Variants in NDUFA9 observed in about 807,000 individuals in gnomAD.
NDUFA9 encodes NADH:ubiquinone oxidoreductase subunit A9.
In NDUFA9, 23 loss-of-function variants were observed where a neutral mutation model predicts 45.9. That is an observed-to-expected ratio of 0.50 (90% CI 0.36 to 0.71). The LOEUF (loss-of-function observed/expected upper bound fraction) is 0.71, where lower values mean the gene tolerates loss of function less well. Among genes scored for constraint, NDUFA9 ranks in the 30% least tolerant of loss-of-function variants. NDUFA9 has a pLI of 0.00. For missense variants in NDUFA9, 466 were observed against 488.2 expected, an observed-to-expected ratio of 0.95 and a Z score of 0.43; for synonymous variants, 176 against 170.5, an observed-to-expected ratio of 1.03 and a Z score of -0.25.
chr12:4,673,521 T>C (rs10774259), intron 8 of NDUFA9, among the ~76,000 whole-genome samples: 57,714 of 152,054 alleles, frequency 0.38, 11,231 homozygotes, highest in Admixed American at 0.42. Context: ...ACGAGAACTT[T>C]GTGAAGCATA....
At chr12:4,679,235 C>G (rs967323575) in intron 8 of NDUFA9, among the ~76,000 whole-genome samples, 3 of 152,086 alleles carry the variant, frequency 2.0e-5, no homozygotes, top group East Asian at 3.9e-4. Flanking sequence ...TAGTGATTGC[C>G]TGAGCCTGGG....
rs12318966 is a variant in NDUFA9 at position 4,659,345 on chromosome 12, A to G, written c.552+168A>G. Reference sequence around the variant, plus strand: ...GTGTGTGTGATGTTTTGACGTTTTGATTGATTGCCTTCTGTTTGCAGGGAA... The same window carrying G: ...GTGTGTGTGATGTTTTGACGTTTTGGTTGATTGCCTTCTGTTTGCAGGGAA... On this transcript the variant is annotated intron_variant, in intron 5 of 10. Transcript: ENST00000266544. Among the ~76,000 whole-genome samples the G allele has an allele frequency of 0.25, 37,604 of 152,006 alleles. 4,837 individuals carry two copies. The highest frequency in any genetic ancestry group is 0.39 in the Middle Eastern group (114 of 294).
Position 4,649,161 on chromosome 12 carries a change from T to C in NDUFA9, c.35T>C (p.Val12Ala). ...GCCGCACAATCCCGGGTTGTCCGGG[T>C]CCTGTCAATGTCACGTAAGTGTTAC... ...AAAAQSRVVRVLSMSRSAITA... is the reference protein window; with the variant it reads ...AAAAQSRVVRALSMSRSAITA... The change falls in exon 1 of 11, where the codon GTC becomes GCC. Residue 12 changes from valine to alanine, a missense_variant. Physicochemically the swap from Val to Ala is moderately conservative, Grantham distance 64. Coordinates refer to ENST00000266544, the MANE Select transcript of NDUFA9 (RefSeq NM_005002.5). The C allele has an allele frequency of 6.2e-7, 1 of 1,605,070 alleles. No homozygotes were observed. The highest frequency in any genetic ancestry group is 8.5e-7 in the Non-Finnish European group (1 of 1,176,042).
rs749842374 is a variant in NDUFA9, at chr12:4,657,741, A to G, written c.319-7A>G. The G allele has an allele frequency of 4.4e-6, 7 of 1,605,104 alleles. No homozygotes were observed. The highest frequency in any genetic ancestry group is 1.7e-5 in the Admixed American group (1 of 59,974). On this transcript the variant is annotated splice_polypyrimidine_tract_variant and splice_region_variant and intron_variant, in intron 3 of 10. Coordinates refer to ENST00000266544, the MANE Select transcript of NDUFA9 (RefSeq NM_005002.5). The stretch of plus-strand genomic sequence containing the variant: ...TGTTTTCATCCGATTGCTTTCTGCT[A>G]TTATAGGAATGGGACGCGAGAGATA...
intron 8 of NDUFA9, among the ~76,000 whole-genome samples, chr12:4,679,578 G>A (rs144821296): frequency 6.6e-6 from 1 of 152,290 alleles, no homozygotes; most frequent in African/African-American, 2.4e-5. Context: ...ATTGGATGCT[G>A]CCAGGAGGTT....
rs770855525 is a variant in NDUFA9 at position 4,685,267 on chromosome 12, C to G, written c.905C>G (p.Ala302Gly). 1 of 1,613,510 alleles carries G rather than the reference C, an allele frequency of 6.2e-7. No individual in the cohort carries two copies. Among genetic ancestry groups the G allele is most frequent in the Non-Finnish European group, 8.5e-7 (1 of 1,179,436 alleles). ...PLPLFAYRWV[A>G]RVFEISPFEP... ...TGTATTTCTCTTTCCAGATGGGTAG[C>G]AAGAGTCTTTGAAATAAGCCCATTT... is the stretch of plus-strand genomic sequence containing the variant. Residue 302 changes from alanine to glycine, a missense_variant, in exon 10 of 11, where the codon GCA becomes GGA. Coordinates refer to ENST00000266544, the MANE Select transcript of NDUFA9 (RefSeq NM_005002.5).
At chr12:4,662,663 A>G in intron 6 of NDUFA9, 28 bp downstream of exon 6, 2 of 1,543,840 alleles carry the variant, frequency 1.3e-6, no homozygotes, top group Non-Finnish European at 1.8e-6. Context: ...ATGGTAGAAG[A>G]GAGGGATACT....
chr12:4,659,210 C>CA (rs1172835020), intron 5 of NDUFA9, 33 bp downstream of exon 5: 4 of 1,572,518 alleles, frequency 2.5e-6, no homozygotes, highest in Non-Finnish European at 3.5e-6. Flanking sequence ...AAGTGGTTCA[C>CA]AGAGCCAGAG....
chr12:4,687,033 G>A lies in NDUFA9; in HGVS notation c.1059G>A (p.Leu353=). 6.2e-7 allele frequency: 1 copy of A among 1,614,200 alleles called. No individual in the cohort carries two copies. The highest frequency in any genetic ancestry group is 8.5e-7 in the Non-Finnish European group (1 of 1,180,042). Residue 353 remains leucine (L), a synonymous_variant, in exon 11 of 11, where the codon CTG becomes CTA. Coordinates refer to ENST00000266544, the MANE Select transcript of NDUFA9 (RefSeq NM_005002.5). ...TGGAACTCAAGGCCATTGAGGTGCT[G>A]CGGCGTCATCGCACTTACCGCTGGC... The part of the protein sequence containing the change: ...TPLELKAIEV[L]RRHRTYRWLS...
At chr12:4,673,923 G>A (rs952541868) in intron 8 of NDUFA9, among the ~76,000 whole-genome samples, 3 of 152,200 alleles carry the variant, frequency 2.0e-5, no homozygotes, top group African/African-American at 7.2e-5. Flanking sequence ...AGAGAAAAAG[G>A]TCAGGTTACC....
intron 5 of NDUFA9, among the ~76,000 whole-genome samples, chr12:4,660,075 A>G (rs1397439443): frequency 6.6e-6 from 1 of 152,184 alleles, no homozygotes; most frequent in Non-Finnish European, 1.5e-5. Flanking sequence ...AGAAGAGTCA[A>G]AGATGTCCAG....
chr12:4,678,074 A>G (rs948383295), intron 8 of NDUFA9, among the ~76,000 whole-genome samples: 3 of 152,312 alleles, frequency 2.0e-5, no homozygotes, highest in African/African-American at 7.2e-5. Context: ...GTTCTCACTT[A>G]TAAGTGGGAG....
chr12:4,682,212 CG>C lies in NDUFA9; in HGVS notation c.810del (p.Tyr271ThrfsTer7). ...GKSFAFVGPSRYLLFHLVKYI... is the reference protein window; with the variant it reads ...GKSFAFVGPSXYLLFHLVKYI... ...TGTATTGTCTTTTTATAGTCCCAGT[CG>C]GTACCTCCTTTTCCACCTGGTGAAG... is the stretch of plus-strand genomic sequence containing the variant. On this transcript the variant is annotated frameshift_variant, in exon 9 of 11. Transcript: ENST00000266544. LOFTEE classifies it high-confidence loss of function. 6.2e-7 allele frequency: 1 copy of C among 1,609,144 alleles called. No homozygotes were observed. The highest frequency in any genetic ancestry group is 8.5e-7 in the Non-Finnish European group (1 of 1,176,674).
rs1945991387 is a variant in NDUFA9 at position 4,687,041 on chromosome 12, A to G, written c.1067A>G (p.His356Arg). Residue 356 changes from histidine (H) to arginine (R), a missense_variant, in exon 11 of 11, where the codon CAT (histidine) becomes CGT (arginine). Physicochemically the swap from His to Arg is conservative, Grantham distance 29 (BLOSUM62 0). Transcript: ENST00000266544. ...ELKAIEVLRR[H>R]RTYRWLSAEI... is the part of the protein sequence containing the mutation. ...AAGGCCATTGAGGTGCTGCGGCGTC[A>G]TCGCACTTACCGCTGGCTGTCTGCT... The G allele has an allele frequency of 6.2e-7, 1 of 1,614,208 alleles. No homozygotes were observed. Among genetic ancestry groups the G allele is most frequent in the Non-Finnish European group, 8.5e-7 (1 of 1,180,046 alleles).
chr12:4,657,801 T>C lies in NDUFA9; in HGVS notation c.372T>C (p.Asn124=), dbSNP rs779495089. 14 of 1,613,702 alleles carry C rather than the reference T, an allele frequency of 8.7e-6. No individual in the cohort carries two copies. The Admixed American group carries it at 1.5e-4, about 17-fold the overall frequency. ...DSIRRVVQHS[N]VVINLIGRDW... Reference sequence around the variant, plus strand: ...TCCGACGAGTAGTACAACACAGCAATGTGGTCATCAATCTTATTGGACGAG... The same window carrying C: ...TCCGACGAGTAGTACAACACAGCAACGTGGTCATCAATCTTATTGGACGAG... Residue 124 remains asparagine, a synonymous_variant, in exon 4 of 11, where the codon AAT becomes AAC. Transcript: ENST00000266544.
intron 7 of NDUFA9, 21 bp from the exon 8 acceptor site, chr12:4,669,720 A>G: frequency 6.9e-7 from 1 of 1,453,738 alleles, no homozygotes; most frequent in Non-Finnish European, 9.7e-7. Context: ...TTACTTAGAC[A>G]TATATTATAA....
intron 8 of NDUFA9, 36 bp from the exon 9 acceptor site, chr12:4,682,169 G>A (rs376227275): frequency 3.0e-5 from 43 of 1,452,180 alleles, no homozygotes; most frequent in African/African-American, 5.7e-5. Flanking sequence ...TGTGAGAAGC[G>A]TGTAATTGAA....
intron 1 of NDUFA9, among the ~76,000 whole-genome samples, chr12:4,653,932 T>G (rs1040344156): frequency 6.6e-6 from 1 of 152,132 alleles, no homozygotes; most frequent in Admixed American, 6.5e-5. Context: ...TCAAAACATT[T>G]TATCCAGGAA....
At chr12:4,661,825 C>G (rs983540650) in intron 5 of NDUFA9, among the ~76,000 whole-genome samples, 1 of 151,628 alleles carries the variant, frequency 6.6e-6, no homozygotes, top group Non-Finnish European at 1.5e-5. Flanking sequence ...CATTTAATAC[C>G]TCAGAAGAAG....
Sources: gnomAD v4.1 joint callset for allele counts (sites outside exome capture counted in the v4.1 genomes callset) on GRCh38, gnomAD v4.1.1 for gene constraint, MANE v1.5 for transcripts, NCBI Gene and HGNC (gene_info 2026-07-23, HGNC 2026-07-21) for gene names.